Variants in SLC2A9 observed in about 807,000 individuals in gnomAD.
SLC2A9 encodes the protein solute carrier family 2, facilitated glucose transporter member 9.
SLC2A9 carries 39 observed loss-of-function variants against 50.6 expected under a neutral mutation model. That is an observed-to-expected ratio of 0.77 (90% confidence interval 0.60 to 1.01). The LOEUF is 1.01. SLC2A9 is among the 50% of genes least tolerant of loss of function. The probability of loss-of-function intolerance (pLI) is 0.00; values close to 1 mark genes in which losing one functional copy is unlikely to be tolerated. For missense variants in SLC2A9, 686 were observed against 677.6 expected (o/e 1.01, Z -0.14); for synonymous variants, 324 against 276.9 (o/e 1.17, Z -1.69).
intron 2 of SLC2A9, among the ~76,000 whole-genome samples, chr4:10,004,007 C>A (rs540876218): frequency 1.3e-5 from 2 of 152,170 alleles, no homozygotes; most frequent in African/African-American, 4.8e-5. Flanking sequence ...CATTGGCATG[C>A]GATGTCACCA....
intron 8 of SLC2A9, among the ~76,000 whole-genome samples, chr4:9,891,846 G>A (rs189373655): frequency 1.3e-5 from 2 of 152,324 alleles, no homozygotes; most frequent in African/African-American, 4.8e-5. Context: ...TCCCCATCAC[G>A]ACAGTCATTT....
chr4:9,790,217 C>T (rs1024230907), intron 3 of SLC2A9, among the ~76,000 whole-genome samples: 6 of 152,148 alleles, frequency 3.9e-5, no homozygotes, highest in Non-Finnish European at 8.8e-5. Flanking sequence ...GTATATTGCC[C>T]ATGGGTCCTC....
Position 9,802,559 on chromosome 4 carries a change from C to CTT in SLC2A9, n.421-3320_421-3319dup, listed in dbSNP as rs1238703528. Reference sequence around the variant, plus strand: ...GTAAAGAGGTTTTTTTTGTTCTTTTCTTTTTTTTTTTTTTTTTTTGAGATG... The same window carrying CTT: ...GTAAAGAGGTTTTTTTTGTTCTTTTCTTTTTTTTTTTTTTTTTTTTTGAGATG... On this transcript the variant is annotated intron_variant and non_coding_transcript_variant, in intron 3 of 3. Transcript: ENST00000503280. 4.6e-3 allele frequency among the ~76,000 whole-genome samples: 590 copies of CTT among 126,996 alleles called. 13 individuals are homozygous for CTT. Among genetic ancestry groups the CTT allele is most frequent in the African/African-American group, 0.017 (557 of 33,134 alleles). The allele number at this position is 126,996 out of a possible 152,430, so 83.3% of individuals were successfully genotyped here.
chr4:9,984,379 A>C (rs527981003), intron 4 of SLC2A9, among the ~76,000 whole-genome samples: 1 of 152,324 alleles, frequency 6.6e-6, no homozygotes, highest in Admixed American at 6.5e-5. Context: ...TAAGAAGCTC[A>C]TGCTAGGTTC....
At chr4:9,823,564 G>A (rs1215768574), downstream of SLC2A9, among the ~76,000 whole-genome samples, 5 of 152,232 alleles carry the variant, frequency 3.3e-5, no homozygotes, top group South Asian at 1.0e-3. Flanking sequence ...TAAGAAAAAA[G>A]TTCTGTACTG....
Position 10,021,214 on chromosome 4 carries a change from C to T in SLC2A9, c.150+66G>A, listed in dbSNP as rs185297811. On this transcript the variant is annotated intron_variant, in intron 1 of 11. Transcript: ENST00000264784. ...CAGGCTGGGGCTGAGCACTGTCACA[C>T]GGCTGCCACCCAGGCCTGCCTTCCC... The T allele has an allele frequency of 4.4e-5, 68 of 1,546,620 alleles. 1 individual carries two copies. Among genetic ancestry groups the T allele is most frequent in the Admixed American group, 6.7e-5 (4 of 59,888 alleles).
At chr4:9,775,119 T>C (rs1029520628), downstream of SLC2A9, among the ~76,000 whole-genome samples, 1 of 152,168 alleles carries the variant, frequency 6.6e-6, no homozygotes, top group Admixed American at 6.5e-5. Context: ...GACAGACTGG[T>C]CTGGAATGTC....
intron 10 of SLC2A9, among the ~76,000 whole-genome samples, chr4:9,882,780 A>T (rs942989043): frequency 5.3e-5 from 8 of 151,858 alleles, no homozygotes; most frequent in Non-Finnish European, 8.8e-5. Flanking sequence ...ACCATCTTCT[A>T]TCCTCTAGGA....
rs1180694965 is a variant in SLC2A9, at chr4:9,913,375, GAT to G, written c.1003-5032_1003-5031del. On this transcript the variant is annotated intron_variant, in intron 7 of 11. Transcript: ENST00000264784. The stretch of plus-strand genomic sequence containing the variant: ...AGAGAGACAGAGAGAGAGAGAAACA[GAT>G]AGAGAGAGATAAAGAGAGAAACAGA... Among the ~76,000 whole-genome samples, 320 of 151,756 alleles carry G rather than the reference GAT, an allele frequency of 2.1e-3. 1 individual carries two copies. The highest frequency in any genetic ancestry group is 3.5e-3 in the Non-Finnish European group (238 of 67,868).
At chr4:9,994,772 G>T (rs1480115428) in intron 3 of SLC2A9, among the ~76,000 whole-genome samples, 1 of 151,870 alleles carries the variant, frequency 6.6e-6, no homozygotes, top group Admixed American at 6.6e-5. Context: ...ATCTGCATGG[G>T]TTCAGAGCCT....
chr4:9,783,181 GGAGACGGTGAACATCAGCAAT>G, intron 3 of SLC2A9: 1 of 1,614,206 alleles, frequency 6.2e-7, no homozygotes, highest in South Asian at 1.1e-5. Flanking sequence ...GCACGCCGGT[GGAGACGGTGAACATCAGCAAT>G]GAGCTCATCT....
At chr4:9,817,534 C>A (rs1028601739) in intron 3 of SLC2A9, among the ~76,000 whole-genome samples, 2 of 152,218 alleles carry the variant, frequency 1.3e-5, no homozygotes, top group African/African-American at 4.8e-5. Flanking sequence ...GTTTCATATG[C>A]TTAACATACA....
intron 8 of SLC2A9, among the ~76,000 whole-genome samples, chr4:9,907,965 C>T (rs1740989734): frequency 2.0e-5 from 3 of 152,262 alleles, no homozygotes; most frequent in South Asian, 2.1e-4. Flanking sequence ...TTGCCTGCCC[C>T]GGAGGTGTCA....
chr4:9,834,783 T>G (rs933908145), intron 11 of SLC2A9, 98 bp downstream of exon 11: 1 of 1,564,740 alleles, frequency 6.4e-7, no homozygotes, highest in Non-Finnish European at 8.8e-7. Flanking sequence ...AGTTTCCAGT[T>G]GAGAGGAGAG....
At chr4:9,963,089 A>C (rs1213792173) in intron 5 of SLC2A9, among the ~76,000 whole-genome samples, 1 of 152,202 alleles carries the variant, frequency 6.6e-6, no homozygotes, top group Non-Finnish European at 1.5e-5. Flanking sequence ...ATGGCTGGGA[A>C]GATCTCACAA....
chr4:9,796,830 C>T (rs1224206011), downstream of SLC2A9, among the ~76,000 whole-genome samples: 5 of 152,082 alleles, frequency 3.3e-5, no homozygotes, highest in East Asian at 9.7e-4. Context: ...TGCTGGAGGA[C>T]AGGATCACCA....
intron 1 of SLC2A9, among the ~76,000 whole-genome samples, chr4:10,034,054 C>G (rs957102191): frequency 6.6e-6 from 1 of 152,256 alleles, no homozygotes. Context: ...CTTCCCTGAT[C>G]TGAGCCAGTC....
Position 9,874,589 on chromosome 4 carries a change from T to C in SLC2A9, c.1291+12978A>G, listed in dbSNP as rs538212057. Reference sequence around the variant, plus strand: ...AGAACGGAGTGCACATGTGTGTATGTGCATGTGTGTGAATCAGTATATGTG... The same window carrying C: ...AGAACGGAGTGCACATGTGTGTATGCGCATGTGTGTGAATCAGTATATGTG... On this transcript the variant is annotated intron_variant, in intron 10 of 11. Transcript: ENST00000264784. Among the ~76,000 whole-genome samples the C allele has an allele frequency of 5.3e-5, 8 of 152,352 alleles. No homozygotes were observed. In the South Asian group the frequency reaches 1.0e-3, roughly 20 times the overall value.
intron 11 of SLC2A9, among the ~76,000 whole-genome samples, chr4:9,828,033 C>T (rs138924648): frequency 5.3e-5 from 8 of 152,292 alleles, no homozygotes; most frequent in African/African-American, 1.7e-4. Context: ...CATCTGCAGG[C>T]GGAATGGACA....
Sources: gnomAD v4.1 joint callset for allele counts (sites outside exome capture counted in the v4.1 genomes callset) on GRCh38, gnomAD v4.1.1 for gene constraint, MANE v1.5 for transcripts, NCBI Gene and HGNC (gene_info 2026-07-23, HGNC 2026-07-21) for gene names.